SPSB1: variants seen among roughly 807,000 people sequenced by gnomAD.
SPSB1 encodes the protein SPRY domain-containing SOCS box protein 1.
Under a neutral mutation model 21.2 loss-of-function variants are expected in SPSB1, and 8 were observed. The ratio of observed to expected loss-of-function variants is 0.38; its 90% CI spans 0.22 to 0.68. The LOEUF is 0.68. Ranked by LOEUF, SPSB1 falls within the 30% of genes least tolerant of loss-of-function variation. The pLI is 0.53. For missense variants in SPSB1, 242 were observed against 377.8 expected (o/e 0.64, Z 2.98); for synonymous variants, 169 against 161.7 (o/e 1.05, Z -0.34).
At chr1:9,300,943 A>G (rs1226911751) in intron 1 of SPSB1, among the ~76,000 whole-genome samples, 2 of 152,222 alleles carry the variant, frequency 1.3e-5, no homozygotes, top group Admixed American at 6.5e-5. Flanking sequence ...GCTCTGCACT[A>G]TATGAAGGCA....
intron 1 of SPSB1, among the ~76,000 whole-genome samples, chr1:9,341,549 A>G (rs1640090547): frequency 6.6e-6 from 1 of 152,240 alleles, no homozygotes; most frequent in Non-Finnish European, 1.5e-5. Flanking sequence ...CCAGCTGAAC[A>G]TTGCCAGACC....
At chr1:9,333,370 G>A (rs928617124) in intron 1 of SPSB1, among the ~76,000 whole-genome samples, 29 of 135,206 alleles carry the variant, frequency 2.1e-4, no homozygotes, top group Non-Finnish European at 3.1e-4. Context: ...TCACTCTGTT[G>A]CCCAGGCTGG....
intron 1 of SPSB1, among the ~76,000 whole-genome samples, chr1:9,316,421 T>A (rs1639615036): frequency 6.6e-6 from 1 of 152,202 alleles, no homozygotes; most frequent in African/African-American, 2.4e-5. Context: ...TGCTTGTGTG[T>A]GTGTCCCCAC....
At chr1:9,302,550 T>C (rs1456839913) in intron 1 of SPSB1, among the ~76,000 whole-genome samples, 1 of 152,172 alleles carries the variant, frequency 6.6e-6, no homozygotes, top group African/African-American at 2.4e-5. Flanking sequence ...GGGATGCTCT[T>C]CTCCTGCGCT....
chr1:9,292,972 G>A lies in SPSB1; in HGVS notation c.-249G>A, dbSNP rs1639144250. 2.1e-6 allele frequency: 2 copies of A among 963,264 alleles called. No individual in the cohort carries two copies. Among genetic ancestry groups the A allele is most frequent in the South Asian group, 4.8e-5 (1 of 21,014 alleles). The allele number at this position is 963,264 out of a possible 1,614,324, so 59.7% of individuals were successfully genotyped here. On this transcript the variant is annotated 5_prime_UTR_variant, in exon 1 of 3. Transcript: ENST00000328089. Reference sequence around the variant, plus strand: ...AGGCGCCGGCGCCGGGGCCGGGGCCGCGGGGAGGAGGCGACTTCGCTCCCT... The same window carrying A: ...AGGCGCCGGCGCCGGGGCCGGGGCCACGGGGAGGAGGCGACTTCGCTCCCT...
At chr1:9,323,061 G>A (rs1366799064) in intron 1 of SPSB1, among the ~76,000 whole-genome samples, 1 of 152,210 alleles carries the variant, frequency 6.6e-6, no homozygotes, top group Non-Finnish European at 1.5e-5. Context: ...TGCTGGTGGT[G>A]GACGGGCCAG....
intron 1 of SPSB1, among the ~76,000 whole-genome samples, chr1:9,328,735 C>A (rs147365887): frequency 6.6e-6 from 1 of 152,324 alleles, no homozygotes; most frequent in African/African-American, 2.4e-5. Context: ...GGTTTTGTCC[C>A]AGGAATACCC....
Position 9,309,299 on chromosome 1 carries a change from A to T in SPSB1, c.-150+16228A>T, listed in dbSNP as rs1039210762. 9.5e-4 allele frequency among the ~76,000 whole-genome samples: 103 copies of T among 108,112 alleles called. 1 individual carries two copies. The highest frequency in any genetic ancestry group is 4.1e-3 in the African/African-American group (94 of 23,080). The allele number at this position is 108,112 out of a possible 152,430, so 70.9% of individuals were successfully genotyped here. A position where few individuals can be genotyped will look rare whatever the true frequency, so the allele number is the denominator to read the frequency against. On this transcript the variant is annotated intron_variant, in intron 1 of 2. Transcript: ENST00000328089. ...GAGAGAGTGTGAGAGAGAGAGAGAG[A>T]GAGTGTGTGTGTGTGTGTGTGTGTG...
intron 1 of SPSB1, among the ~76,000 whole-genome samples, chr1:9,325,213 C>T: frequency 2.5e-5 from 1 of 39,914 alleles, no homozygotes; most frequent in South Asian, 1.6e-3. Context: ...TGAGCCAATG[C>T]CTCCCACCAC....
rs893293431 is a variant in SPSB1, at chr1:9,324,208, G to A, written c.-150+31137G>A. 3.3e-5 allele frequency among the ~76,000 whole-genome samples: 5 copies of A among 152,186 alleles called. No individual in the cohort carries two copies. The highest frequency in any genetic ancestry group is 2.1e-4 in the South Asian group (1 of 4,826). ...CATCCGGCAAGTGGACACCTCTGAC[G>A]CAGCTGGAATGGGCCTAGGTGGGAG... On this transcript the variant is annotated intron_variant, in intron 1 of 2. Transcript: ENST00000328089. This position sits in a 1 kb window ranked among gnomAD's most constrained non-coding sequence, Gnocchi z 4.3.
At chr1:9,340,906 G>C (rs542144700) in intron 1 of SPSB1, among the ~76,000 whole-genome samples, 1 of 152,216 alleles carries the variant, frequency 6.6e-6, no homozygotes, top group African/African-American at 2.4e-5. Context: ...GCGGTGCGGG[G>C]AGGCAGAGTG....
intron 1 of SPSB1, among the ~76,000 whole-genome samples, chr1:9,329,255 G>A (rs1176729836): frequency 6.6e-6 from 1 of 152,142 alleles, no homozygotes; most frequent in Non-Finnish European, 1.5e-5. Flanking sequence ...AAATGCAGCT[G>A]GAGAGGGAGG....
intron 1 of SPSB1, among the ~76,000 whole-genome samples, chr1:9,296,594 A>ACACATACACAAACGTGTGCATG (rs1553123070): frequency 1.0e-3 from 153 of 152,086 alleles, no homozygotes; most frequent in African/African-American, 3.4e-3. Context: ...ACATGTGTAC[A>ACACATACACAAACGTGTGCATG]CACACATACA....
intron 1 of SPSB1, among the ~76,000 whole-genome samples, chr1:9,309,084 G>T (rs757078391): frequency 4.6e-5 from 7 of 151,978 alleles, no homozygotes; most frequent in Non-Finnish European, 1.0e-4. Flanking sequence ...TGACTGCCAT[G>T]AGGAGGACCG....
rs753194516 is a variant in SPSB1 at position 9,305,201 on chromosome 1, G to T, written c.-150+12130G>T. 6.6e-6 allele frequency among the ~76,000 whole-genome samples: 1 copy of T among 152,188 alleles called. No individual in the cohort carries two copies. The highest frequency in any genetic ancestry group is 1.5e-5 in the Non-Finnish European group (1 of 68,040). On this transcript the variant is annotated intron_variant, in intron 1 of 2. Transcript: ENST00000328089. The surrounding 1 kb of genome is among the most constrained non-coding windows in gnomAD (Gnocchi z 4.8). ...CCGTCTCACACTCTTCATGCTGCCT[G>T]GTCCCGCCTCGGCTGGCCCGTTCCT... is the stretch of plus-strand genomic sequence containing the variant.
At chr1:9,326,109 C>T (rs894077677) in intron 1 of SPSB1, among the ~76,000 whole-genome samples, 3 of 151,664 alleles carry the variant, frequency 2.0e-5, no homozygotes, top group Non-Finnish European at 2.9e-5. Context: ...GCTGGGCTGC[C>T]GACACGTGGG....
intron 2 of SPSB1, among the ~76,000 whole-genome samples, chr1:9,362,428 AACAC>A (rs1411469419): frequency 6.6e-6 from 1 of 152,192 alleles, no homozygotes; most frequent in Non-Finnish European, 1.5e-5. Context: ...TGTAGAGGAA[AACAC>A]ACACACATCC....
At chr1:9,307,316 G>A (rs975955283) in intron 1 of SPSB1, among the ~76,000 whole-genome samples, 3 of 152,174 alleles carry the variant, frequency 2.0e-5, no homozygotes, top group African/African-American at 7.2e-5. Flanking sequence ...TATTCACAAT[G>A]TCGTGCAACT....
chr1:9,340,357 C>G (rs917679029), intron 1 of SPSB1, among the ~76,000 whole-genome samples: 4 of 152,230 alleles, frequency 2.6e-5, no homozygotes, highest in Admixed American at 6.5e-5. Context: ...CGGATTCCTG[C>G]CACCAGCCCA....
Sources: allele counts gnomAD v4.1 joint callset (sites outside exome capture counted in the v4.1 genomes callset), GRCh38; gene constraint gnomAD v4.1.1; non-coding constraint Gnocchi (gnomAD v3.1); transcripts MANE v1.5; gene names NCBI Gene and HGNC (gene_info 2026-07-23, HGNC 2026-07-21).